The following RBBP6 variants were observed in gnomAD, a reference collection of about 807,000 sequenced individuals.
RBBP6 encodes the protein RB binding protein 6, ubiquitin ligase.
RBBP6 carries 25 observed loss-of-function variants against 167.7 expected under a neutral mutation model. The ratio of observed to expected loss-of-function variants is 0.15; its 90% CI spans 0.11 to 0.21. The LOEUF (loss-of-function observed/expected upper bound fraction) is 0.21, where lower values mean the gene tolerates loss of function less well. RBBP6 is among the 10% of genes least tolerant of loss of function. RBBP6 has a pLI of 1.00. For missense variants in RBBP6, 1,868 were observed against 2,134.2 expected, an observed-to-expected ratio of 0.88 and a Z score of 2.46; for synonymous variants, 789 against 735.8, an observed-to-expected ratio of 1.07 and a Z score of -1.17.
chr16:24,543,271 G>A (rs930783273), intron 1 of RBBP6, among the ~76,000 whole-genome samples: 1 of 149,060 alleles, frequency 6.7e-6, no homozygotes, highest in African/African-American at 2.5e-5. Flanking sequence ...GGAATTATGT[G>A]CATGTTTAGG....
Position 24,556,995 on chromosome 16 carries a change from C to CTTTT in RBBP6, c.674+566_674+569dup, listed in dbSNP as rs397962167. On this transcript the variant is annotated intron_variant, in intron 7 of 17. Coordinates refer to ENST00000319715, the MANE Select transcript of RBBP6 (RefSeq NM_006910.5). ...ATAGCTCTATAAAACACCTTAATGCCTTTTTTTTTTTTTTTTTTTTTGAGA... is the reference window on the plus strand; with the variant it reads ...ATAGCTCTATAAAACACCTTAATGCCTTTTTTTTTTTTTTTTTTTTTTTTTGAGA... Among the ~76,000 whole-genome samples the CTTTT allele has an allele frequency of 4.9e-3, 537 of 108,820 alleles. 12 individuals carry two copies. The highest frequency in any genetic ancestry group is 9.1e-3 in the African/African-American group (254 of 27,806). The allele number at this position is 108,820 out of a possible 152,430, so 71.4% of individuals were successfully genotyped here. A position where few individuals can be genotyped will look rare whatever the true frequency, so the allele number is the denominator to read the frequency against.
chr16:24,546,651 A>G (rs1428963970), intron 2 of RBBP6, among the ~76,000 whole-genome samples: 4 of 152,194 alleles, frequency 2.6e-5, no homozygotes, highest in African/African-American at 9.7e-5. Context: ...CATCAAGAGT[A>G]TTCAGTAATG....
intron 4 of RBBP6, chr16:24,553,792 A>G: frequency 3.3e-6 from 1 of 301,572 alleles, no homozygotes; most frequent in Non-Finnish European, 6.0e-6. Flanking sequence ...ACTTGAAGCT[A>G]CACTTAATTA....
At chr16:24,556,218 A>G in intron 6 of RBBP6, 90 bp from the exon 7 acceptor site, 3 of 1,050,086 alleles carry the variant, frequency 2.9e-6, no homozygotes, top group East Asian at 2.4e-5. Context: ...TACAAGTAAT[A>G]TAGTAAGCAC....
Position 24,564,827 on chromosome 16 carries a change from A to G in RBBP6, c.1551A>G (p.Pro517=), listed in dbSNP as rs1899154388. The change falls in exon 14 of 18, where the codon CCA becomes CCG. Residue 517 remains proline (P), a synonymous_variant. Transcript: ENST00000319715. The part of the protein sequence containing the change: ...HSNKLGYLVS[P]PQQIRRGERS... The stretch of plus-strand genomic sequence containing the variant: ...ACAAACTTGGCTATCTGGTTTCTCC[A>G]CCACAACAAATTAGAAGAGGGGAGA... 6.2e-7 allele frequency: 1 copy of G among 1,612,858 alleles called. No homozygotes were observed. The highest frequency in any genetic ancestry group is 1.1e-5 in the South Asian group (1 of 90,936).
At chr16:24,545,944 G>T (rs1898634184) in intron 1 of RBBP6, among the ~76,000 whole-genome samples, 1 of 152,220 alleles carries the variant, frequency 6.6e-6, no homozygotes, top group Non-Finnish European at 1.5e-5. Context: ...AGAAGTGCTA[G>T]AGCCAAGAAC....
At chr16:24,542,094 C>T (rs1244452735) in intron 1 of RBBP6, among the ~76,000 whole-genome samples, 1 of 152,162 alleles carries the variant, frequency 6.6e-6, no homozygotes, top group Non-Finnish European at 1.5e-5. Context: ...GCTTCCCCAC[C>T]TTTTAAAAAC....
In RBBP6 at chr16:24,572,394, A is replaced by G. The variant is rs1292121268; in HGVS notation, c.5328A>G (p.Lys1776=). 1.6e-5 allele frequency: 21 copies of G among 1,327,228 alleles called. No homozygotes were observed. Among genetic ancestry groups the G allele is most frequent in the Middle Eastern group, 3.7e-4 (2 of 5,464 alleles). The allele number at this position is 1,327,228 out of a possible 1,614,324, so 82.2% of individuals were successfully genotyped here. Residue 1776 remains lysine (K), a synonymous_variant, in exon 18 of 18, where the codon AAA becomes AAG. Coordinates refer to ENST00000319715, the MANE Select transcript of RBBP6 (RefSeq NM_006910.5). ...AGAAGTCAAAGAAGAACAAAGATAA[A>G]GAGAAGGAGAAGGAGAAAGATGACC... The part of the protein sequence containing the change: ...KKKKSKKNKD[K]EKEKEKDDQK...
intron 15 of RBBP6, 84 bp from the exon 16 acceptor site, chr16:24,567,708 T>G (rs1899229138): frequency 1.5e-6 from 2 of 1,321,230 alleles, no homozygotes; most frequent in African/African-American, 3.0e-5. Flanking sequence ...TTCATTCATT[T>G]CATTCATGAT....
rs767573029 is a variant in RBBP6, at chr16:24,561,729, TC to T, written c.951+16del. On this transcript the variant is annotated intron_variant, in intron 9 of 17. Transcript: ENST00000319715. ...TTTTTACGACAGGTAACTGTCTGTA[TC>T]CATTTTATGAAAAAATTCTTTTTAA... 6.2e-7 allele frequency: 1 copy of T among 1,611,226 alleles called. No homozygotes were observed. Among genetic ancestry groups the T allele is most frequent in the South Asian group, 1.1e-5 (1 of 90,988 alleles).
chr16:24,555,936 CTATGGTATATCTTACTT>C lies in RBBP6; in HGVS notation c.534+21_534+37del. On this transcript the variant is annotated intron_variant, in intron 6 of 17. Transcript: ENST00000319715. The stretch of plus-strand genomic sequence containing the variant: ...AAATGGGGTAAGTTCAAAGCAGAAA[CTATGGTATATCTTACTT>C]TTTTTCCTTTGGAATTGTTCCTTAG... 3 of 1,529,124 alleles carry C rather than the reference CTATGGTATATCTTACTT, an allele frequency of 2.0e-6. No homozygotes were observed. In the South Asian group the frequency reaches 3.4e-5, roughly 17 times the overall value. 94.7% of individuals were successfully genotyped at this position (1,529,124 alleles called of 1,614,324 possible).
At chr16:24,553,323 C>T (rs1055297875) in intron 3 of RBBP6, 190 bp from the exon 4 acceptor site, 6 of 474,320 alleles carry the variant, frequency 1.3e-5, no homozygotes, top group African/African-American at 1.2e-4. Flanking sequence ...CAACTGATAG[C>T]TTTTTATAAC....
rs370758782 is a variant in RBBP6 at position 24,571,483 on chromosome 16, A to C, written c.4417A>C (p.Lys1473Gln). The C allele has an allele frequency of 6.2e-7, 1 of 1,612,056 alleles. No individual in the cohort carries two copies. Among genetic ancestry groups the C allele is most frequent in the South Asian group, 1.1e-5 (1 of 90,506 alleles). ...TAAAGACTTCACTCCCAATAGAGAC[A>C]AAAAAACTGACTATGACACCAGAGA... ...SNKDFTPNRD[K>Q]KTDYDTREYS... The change falls in exon 18 of 18, where the codon AAA becomes CAA. Residue 1473 changes from lysine to glutamine, a missense_variant. Physicochemically the swap from Lys to Gln is moderately conservative, Grantham distance 53 (BLOSUM62 1). This residue lies in a region of RBBP6 where 591 missense variants were observed against 540.5 expected (regional missense o/e 1.09). Transcript: ENST00000319715.
chr16:24,567,111 A>G lies in RBBP6; in HGVS notation c.1590-32A>G, dbSNP rs558730119. 46 of 1,584,934 alleles carry G rather than the reference A, an allele frequency of 2.9e-5. No homozygotes were observed. In the East Asian group the frequency reaches 8.8e-4, roughly 30 times the overall value. On this transcript the variant is annotated intron_variant, in intron 14 of 17. Coordinates refer to ENST00000319715, the MANE Select transcript of RBBP6 (RefSeq NM_006910.5). ...ACTTGTCTCAGATGACTTTAGTTTGAAGAAGTAATATCTTGGAATTTATTT... is the reference window on the plus strand; with the variant it reads ...ACTTGTCTCAGATGACTTTAGTTTGGAGAAGTAATATCTTGGAATTTATTT...
rs768262064 is a variant in RBBP6 at position 24,568,818 on chromosome 16, A to C, written c.2128A>C (p.Thr710Pro). ...TTATTCTAAATCAAGATCTGGTTCA[A>C]CACGTTCACGCTCTTATTCTCGATC... ...YTYSKSRSGS[T>P]RSRSYSRSFS... The change falls in exon 17 of 18, where the codon ACA becomes CCA. Residue 710 changes from threonine to proline, a missense_variant. Physicochemically the swap from Thr to Pro is conservative, Grantham distance 38. Around this residue, in one of 7 missense-constraint regions of RBBP6, gnomAD observed 673 missense variants for 691.5 expected, o/e 0.97. Coordinates refer to ENST00000319715, the MANE Select transcript of RBBP6 (RefSeq NM_006910.5). 8 of 1,614,250 alleles carry C rather than the reference A, an allele frequency of 5.0e-6. No individual in the cohort carries two copies. The East Asian group carries it at 1.6e-4, about 31-fold the overall frequency.
rs1899210183 is a variant in RBBP6 at position 24,566,998 on chromosome 16, G to A, written c.1590-145G>A. The A allele has an allele frequency of 6.9e-5, 57 of 823,762 alleles. 3 individuals are homozygous for A. The South Asian group carries it at 1.1e-3, about 16-fold the overall frequency. The allele number at this position is 823,762 out of a possible 1,614,324, so 51.0% of individuals were successfully genotyped here. ...GTAGAGTTATTTTTACAAATAAATT[G>A]TACTAATGTTGCTACACTAGTTGAA... On this transcript the variant is annotated intron_variant, in intron 14 of 17. Transcript: ENST00000319715.
At position 24,569,281 on chromosome 16, in the gene RBBP6, G is replaced by A; in HGVS notation, c.2591G>A (p.Arg864Lys). The A allele has an allele frequency of 6.2e-7, 1 of 1,612,356 alleles. No individual in the cohort carries two copies. Among genetic ancestry groups the A allele is most frequent in the East Asian group, 2.2e-5 (1 of 44,866 alleles). ...AATAGAGAGAACTTTTCTCCAGAGA[G>A]ATTTTTGCCACTTAACATCAGGAAT... ...SANRENFSPE[R>K]FLPLNIRNSP... Residue 864 changes from arginine (R) to lysine (K), a missense_variant, in exon 17 of 18, where the codon AGA becomes AAA. By Grantham distance (26) the Arg-to-Lys change is conservative. Around this residue, in one of 7 missense-constraint regions of RBBP6, gnomAD observed 673 missense variants for 691.5 expected, o/e 0.97. Transcript: ENST00000319715.
At chr16:24,564,158 A>AT (rs1899139078) in intron 13 of RBBP6, among the ~76,000 whole-genome samples, 1 of 152,064 alleles carries the variant, frequency 6.6e-6, no homozygotes, top group Admixed American at 6.6e-5. Context: ...AAGAACTTTG[A>AT]TTTTCTCTGT....
At position 24,570,517 on chromosome 16, in the gene RBBP6, G is replaced by A. The variant is rs778850854; in HGVS notation, c.3809+18G>A. On this transcript the variant is annotated intron_variant, in intron 17 of 17. Coordinates refer to ENST00000319715, the MANE Select transcript of RBBP6 (RefSeq NM_006910.5). ...TACACCAGGTAGCTGAGTGTAGGGG[G>A]TGGGTGTGGAACTTTGTTGGGAGAA... The A allele has an allele frequency of 3.9e-6, 6 of 1,540,416 alleles. No homozygotes were observed. The highest frequency in any genetic ancestry group is 3.8e-5 in the South Asian group (3 of 78,392).
Sources: gnomAD v4.1 joint callset for allele counts (sites outside exome capture counted in the v4.1 genomes callset) on GRCh38, gnomAD v4.1.1 for gene constraint, gnomAD v4.1.1 regional missense constraint, MANE v1.5 for transcripts, NCBI Gene and HGNC (gene_info 2026-07-23, HGNC 2026-07-21) for gene names.